The following ABCA9 variants were observed in gnomAD, a reference collection of about 807,000 sequenced individuals.
ABCA9 encodes the protein ATP-binding cassette sub-family A member 9.
In ABCA9, 183 loss-of-function variants were observed where a neutral mutation model predicts 205.3. The observed-to-expected ratio is 0.89, with a 90% CI of 0.79 to 1.01. ABCA9 has a LOEUF of 1.01. Ranked by LOEUF, ABCA9 falls within the 50% of genes least tolerant of loss-of-function variation. The pLI, the probability that ABCA9 is intolerant of heterozygous loss-of-function variation, is 0.00. For missense variants in ABCA9, 1,805 were observed against 1,912.4 expected, an observed-to-expected ratio of 0.94 and a Z score of 1.05; for synonymous variants, 651 against 683.3, an observed-to-expected ratio of 0.95 and a Z score of 0.74.
chr17:69,008,266 G>C (rs768386337), intron 23 of ABCA9, 31 bp from the exon 24 acceptor site: 5 of 1,592,578 alleles, frequency 3.1e-6, no homozygotes, highest in Middle Eastern at 1.7e-4. Context: ...TCATCAAAAG[G>C]TTCTGAAGAG....
At chr17:69,033,580 C>T in intron 9 of ABCA9, 146 bp downstream of exon 9, 2 of 640,562 alleles carry the variant, frequency 3.1e-6, no homozygotes, top group Non-Finnish European at 5.2e-6. Context: ...GAAAGTGATT[C>T]TATAAACAAA....
chr17:69,060,974 T>C (rs886566306), upstream of ABCA9: 1 of 985,340 alleles, frequency 1.0e-6, no homozygotes, highest in Admixed American at 6.1e-5. Flanking sequence ...ATCATGCTTT[T>C]AATTTCACAT....
At chr17:68,992,764 G>T in intron 27 of ABCA9, 1 of 328,838 alleles carries the variant, frequency 3.0e-6, no homozygotes, top group Non-Finnish European at 5.6e-6. Flanking sequence ...GGTGAGCTGA[G>T]ATAGCGCCAT....
chr17:68,975,909 G>A lies in ABCA9; in HGVS notation c.*6C>T. ...GATTAAAGAAAGATATAGGGTATTT[G>A]GAGCTTTAAGGCTCTTCCTGCAGGA... On this transcript the variant is annotated 3_prime_UTR_variant, in exon 39 of 39. Coordinates refer to ENST00000340001, the MANE Select transcript of ABCA9 (RefSeq NM_080283.4). The A allele has an allele frequency of 6.2e-7, 1 of 1,603,578 alleles. No homozygotes were observed. Among genetic ancestry groups the A allele is most frequent in the African/African-American group, 1.3e-5 (1 of 74,802 alleles).
chr17:69,065,193 G>T (rs2072334251), upstream of ABCA9, among the ~76,000 whole-genome samples: 1 of 152,138 alleles, frequency 6.6e-6, no homozygotes, highest in Non-Finnish European at 1.5e-5. Flanking sequence ...TGCAATCAAA[G>T]AACTTGTGTC....
At chr17:68,992,950 G>A in intron 27 of ABCA9, 66 bp downstream of exon 27, 2 of 1,335,016 alleles carry the variant, frequency 1.5e-6, no homozygotes, top group Non-Finnish European at 2.1e-6. Context: ...GCAATTCAGA[G>A]AAACTCAAAA....
At chr17:69,054,300 T>C (rs147746058) in intron 1 of ABCA9, among the ~76,000 whole-genome samples, 8 of 152,216 alleles carry the variant, frequency 5.3e-5, no homozygotes, top group Non-Finnish European at 7.4e-5. Flanking sequence ...GGTAGGAGAA[T>C]GGCTTGAGCC....
intron 1 of ABCA9, among the ~76,000 whole-genome samples, chr17:69,052,188 A>G (rs1316477789): frequency 6.6e-6 from 1 of 152,042 alleles, no homozygotes; most frequent in Non-Finnish European, 1.5e-5. Context: ...CTGGGCAACA[A>G]AGTGAGACCC....
At chr17:69,067,610 AAAGAAAGAAAG>A in the ABCA9 span, among the ~76,000 whole-genome samples, 2 of 149,694 alleles carry the variant, frequency 1.3e-5, no homozygotes, top group East Asian at 1.9e-4. Flanking sequence ...AAAAAGAAAG[AAAGAAAGAAAG>A]AAGAAAGAAA....
chr17:68,999,583 A>T (rs1234040714), intron 25 of ABCA9, among the ~76,000 whole-genome samples: 19 of 147,328 alleles, frequency 1.3e-4, no homozygotes, highest in Non-Finnish European at 2.1e-4. Flanking sequence ...GCCGCAATAA[A>T]CATACGTGTG....
chr17:69,001,751 C>G (rs1012421447), intron 25 of ABCA9, among the ~76,000 whole-genome samples: 1 of 150,292 alleles, frequency 6.7e-6, no homozygotes, highest in African/African-American at 2.4e-5. Flanking sequence ...TGGTCCTGGA[C>G]TCTTTTTGGT....
intron 31 of ABCA9, chr17:68,986,563 A>AAC (rs1269432980): frequency 1.3e-5 from 5 of 371,552 alleles, no homozygotes; most frequent in Non-Finnish European, 2.4e-5. Flanking sequence ...ACCGTGATTG[A>AAC]ACTCAAGATT....
chr17:69,020,451 AC>A lies in ABCA9; in HGVS notation c.2536del (p.Val846SerfsTer4), dbSNP rs761012958. On this transcript the variant is annotated frameshift_variant, in exon 19 of 39. Coordinates refer to ENST00000340001, the MANE Select transcript of ABCA9 (RefSeq NM_080283.4). LOFTEE classifies it high-confidence loss of function. ...GAAGCGAACTTTTGCTATTGCACAG[AC>A]CTGCTGCCTCCAGAGCGCCACGCCA... is the stretch of plus-strand genomic sequence containing the variant. ...ISGVALWRQQ[V>X]CAIAKVRFLK... The A allele has an allele frequency of 5.0e-6, 8 of 1,614,030 alleles. No individual in the cohort carries two copies. Among genetic ancestry groups the A allele is most frequent in the Non-Finnish European group, 3.4e-6 (4 of 1,179,948 alleles).
rs182660825 is a variant in ABCA9 at position 69,015,377 on chromosome 17, A to G, written c.3039+876T>C. ...TTTTCACCAGACGAAGTGTGTTTCA[A>G]CATAACAAGATGAAAGAGGTGACCT... On this transcript the variant is annotated intron_variant, in intron 22 of 38. Coordinates refer to ENST00000340001, the MANE Select transcript of ABCA9 (RefSeq NM_080283.4). Among the ~76,000 whole-genome samples the G allele has an allele frequency of 1.8e-4, 27 of 152,258 alleles. No individual in the cohort carries two copies. In the East Asian group the frequency reaches 3.9e-3, roughly 22 times the overall value.
the ABCA9 span, among the ~76,000 whole-genome samples, chr17:69,076,796 A>G: frequency 6.6e-6 from 1 of 152,098 alleles, no homozygotes; most frequent in Non-Finnish European, 1.5e-5. Context: ...GTTTGTGTGC[A>G]TAGAGGTGTT....
At chr17:69,045,894 T>C (rs953829689) in intron 3 of ABCA9, among the ~76,000 whole-genome samples, 1 of 152,150 alleles carries the variant, frequency 6.6e-6, no homozygotes, top group African/African-American at 2.4e-5. Context: ...GTGGGGATTA[T>C]GGGGATTACA....
Position 69,020,400 on chromosome 17 carries a change from C to A in ABCA9, c.2588G>T (p.Ser863Ile), listed in dbSNP as rs745749746. ...CTCAGATACTCACATAGTCCACAGG[C>A]TTTTTCTTTCTTTCTTTAACTTTAG... The part of the protein sequence containing the change: ...RFLKLKKERK[S>I]LWTILLLFGI... The change falls in exon 19 of 39, where the codon AGC becomes ATC. Residue 863 changes from serine (S) to isoleucine (I), a missense_variant. Ser to Ile is a moderately radical substitution (Grantham distance 142). Transcript: ENST00000340001. 1 of 1,613,268 alleles carries A rather than the reference C, an allele frequency of 6.2e-7. No homozygotes were observed.
Position 69,021,848 on chromosome 17 carries a change from A to T in ABCA9, c.2295T>A (p.Asp765Glu). The T allele has an allele frequency of 6.5e-7, 1 of 1,529,482 alleles. No homozygotes were observed. The highest frequency in any genetic ancestry group is 1.4e-5 in the African/African-American group (1 of 72,682). 94.7% of individuals were successfully genotyped at this position (1,529,482 alleles called of 1,614,324 possible). A position where few individuals can be genotyped will look rare whatever the true frequency, so the allele number is the denominator to read the frequency against. The change falls in exon 18 of 39, where the codon GAT becomes GAA. Residue 765 changes from aspartate (D) to glutamate (E), a missense_variant. Coordinates refer to ENST00000340001, the MANE Select transcript of ABCA9 (RefSeq NM_080283.4). ...TGCCTTGGTTAGAACATCTATCAAG[A>T]TCCCTGTAAAGTTCTAAAAGTGGAT... ...RTNKFPELYR[D>E]LDRCSNQGIE... is the part of the protein sequence containing the mutation.
Position 69,033,746 on chromosome 17 carries a change from TATA to T in ABCA9, c.1253_1255del (p.Leu418del), listed in dbSNP as rs752256269. On this transcript the variant is annotated inframe_deletion, in exon 9 of 39. Transcript: ENST00000340001. ...CTTACCGGGCAAAATTTTGTCAAAA[TATA>T]ATGTCAATACCAAATACAGAAGGGT... 15 of 1,608,860 alleles carry T rather than the reference TATA, an allele frequency of 9.3e-6. No homozygotes were observed. The South Asian group carries it at 1.6e-4, about 17-fold the overall frequency.
Sources: allele counts gnomAD v4.1 joint callset (sites outside exome capture counted in the v4.1 genomes callset), GRCh38; gene constraint gnomAD v4.1.1; transcripts MANE v1.5; gene names NCBI Gene and HGNC (gene_info 2026-07-23, HGNC 2026-07-21).